Variants in ADAMTS19 observed in about 807,000 individuals in gnomAD.
ADAMTS19 encodes the protein A disintegrin and metalloproteinase with thrombospondin motifs 19.
In ADAMTS19, 93 loss-of-function variants were observed where a neutral mutation model predicts 153.3. The ratio of observed to expected loss-of-function variants is 0.61; its 90% CI spans 0.51 to 0.72. ADAMTS19 has a LOEUF of 0.72. Among genes scored for constraint, ADAMTS19 ranks in the 30% least tolerant of loss-of-function variants. The pLI is 0.00. For synonymous variants in ADAMTS19, 600 were observed against 556.6 expected (o/e 1.08, Z -1.10); for missense variants, 1,482 against 1,552.1 (o/e 0.95, Z 0.76).
intron 12 of ADAMTS19, 138 bp from the exon 13 acceptor site, chr5:129,648,660 A>G (rs1753176061): frequency 1.9e-6 from 1 of 536,650 alleles, no homozygotes; most frequent in Admixed American, 3.8e-5. Context: ...TGCTACTACT[A>G]TCATTTAATG....
intron 7 of ADAMTS19, among the ~76,000 whole-genome samples, chr5:129,560,255 CAG>C (rs991812774): frequency 1.3e-5 from 2 of 152,158 alleles, no homozygotes; most frequent in African/African-American, 4.8e-5. Context: ...AAAACAAAAA[CAG>C]AGTCTAGGTT....
intron 21 of ADAMTS19, among the ~76,000 whole-genome samples, chr5:129,724,736 A>G (rs1438112370): frequency 6.6e-6 from 1 of 152,096 alleles, no homozygotes; most frequent in Non-Finnish European, 1.5e-5. Context: ...GGTTTTATAG[A>G]TGAGGTTGAG....
chr5:129,482,070 A>C (rs1481902008), intron 2 of ADAMTS19, among the ~76,000 whole-genome samples: 1 of 152,214 alleles, frequency 6.6e-6, no homozygotes, highest in East Asian at 1.9e-4. Flanking sequence ...TTCCCAAAAA[A>C]TAGTTTCAGA....
chr5:129,516,760 AT>A (rs58389356), intron 3 of ADAMTS19, among the ~76,000 whole-genome samples: 42,704 of 148,764 alleles, frequency 0.29, 8,360 homozygotes, highest in African/African-American at 0.56. Context: ...TGTTTTATTG[AT>A]TTTTTTTGTA....
chr5:129,730,409 A>G (rs898202576), intron 21 of ADAMTS19, among the ~76,000 whole-genome samples: 2 of 152,188 alleles, frequency 1.3e-5, no homozygotes, highest in Non-Finnish European at 1.5e-5. Flanking sequence ...AAAACTTAGA[A>G]AGTTATGTTA....
intron 13 of ADAMTS19, among the ~76,000 whole-genome samples, chr5:129,651,262 G>T (rs896331952): frequency 6.6e-6 from 1 of 152,092 alleles, no homozygotes; most frequent in Non-Finnish European, 1.5e-5. Flanking sequence ...CAACTCCCTT[G>T]TTGATATATC....
At chr5:129,632,617 A>G (rs1360681245) in intron 10 of ADAMTS19, among the ~76,000 whole-genome samples, 2 of 151,906 alleles carry the variant, frequency 1.3e-5, no homozygotes, top group African/African-American at 4.8e-5. Context: ...TTTCACCTGA[A>G]AATTTTCATT....
chr5:129,599,254 A>G (rs550228143), intron 8 of ADAMTS19, among the ~76,000 whole-genome samples: 4 of 152,300 alleles, frequency 2.6e-5, no homozygotes, highest in East Asian at 3.9e-4. Context: ...AATAAAACCT[A>G]TGAAAAATCA....
At chr5:129,552,083 GTATCAACTA>G (rs1753142666) in intron 7 of ADAMTS19, among the ~76,000 whole-genome samples, 176 bp downstream of exon 7, 1 of 151,828 alleles carries the variant, frequency 6.6e-6, no homozygotes, top group African/African-American at 2.4e-5. Flanking sequence ...TAAAAGACAT[GTATCAACTA>G]TATATATTGG....
intron 7 of ADAMTS19, among the ~76,000 whole-genome samples, chr5:129,564,164 A>T (rs1370243751): frequency 6.6e-6 from 1 of 152,090 alleles, no homozygotes. Context: ...TGTAGCAAAA[A>T]CCTGCATGAG....
intron 16 of ADAMTS19, among the ~76,000 whole-genome samples, chr5:129,673,870 C>A (rs1293332757): frequency 6.6e-6 from 1 of 152,110 alleles, no homozygotes; most frequent in Non-Finnish European, 1.5e-5. Flanking sequence ...ATGTAAATGA[C>A]CTTTAAAAAC....
In ADAMTS19 at chr5:129,524,435, C is replaced by T. The variant is rs10052508; in HGVS notation, c.914-1849C>T. ...ACTAAAACGCCAAAAGCAATTGCAA[C>T]AAAAGCCAAAATTGACAAATGGGAT... On this transcript the variant is annotated intron_variant, in intron 3 of 22. Transcript: ENST00000274487. Among the ~76,000 whole-genome samples the T allele has an allele frequency of 6.6e-3, 1,002 of 152,130 alleles. 10 individuals carry two copies. The highest frequency in any genetic ancestry group is 0.023 in the African/African-American group (973 of 41,496).
At chr5:129,698,488 G>A (rs1208923546) in intron 19 of ADAMTS19, among the ~76,000 whole-genome samples, 1 of 152,100 alleles carries the variant, frequency 6.6e-6, no homozygotes, top group African/African-American at 2.4e-5. Flanking sequence ...TGTAAGTGAA[G>A]GTCTCTTAAA....
At chr5:129,664,988 C>T (rs976601071) in intron 15 of ADAMTS19, among the ~76,000 whole-genome samples, 7 of 152,146 alleles carry the variant, frequency 4.6e-5, no homozygotes, top group African/African-American at 1.7e-4. Flanking sequence ...TCTCCGGCAT[C>T]GGTTTCAAAA....
chr5:129,714,756 C>A (rs1354913523), intron 21 of ADAMTS19, among the ~76,000 whole-genome samples: 1 of 152,170 alleles, frequency 6.6e-6, no homozygotes. Context: ...TGCATACATT[C>A]TTTGACTCAG....
chr5:129,595,101 A>G (rs1179947072), intron 7 of ADAMTS19, among the ~76,000 whole-genome samples: 1 of 152,160 alleles, frequency 6.6e-6, no homozygotes, highest in African/African-American at 2.4e-5. Context: ...TAAAAATAAT[A>G]TGTTCATTCT....
chr5:129,607,020 C>T (rs1581137564), intron 8 of ADAMTS19, among the ~76,000 whole-genome samples: 1 of 152,102 alleles, frequency 6.6e-6, no homozygotes, highest in African/African-American at 2.4e-5. Context: ...TGGGTTCAAG[C>T]GATTCTTCTG....
rs529973725 is a variant in ADAMTS19, at chr5:129,722,963, T to C, written c.3313-11969T>C. Reference sequence around the variant, plus strand: ...TGTCAGAGTTAAGAATTTGTTAAGATTTTTTGCGTGTGTTTTTATTTCCTA... The same window carrying C: ...TGTCAGAGTTAAGAATTTGTTAAGACTTTTTGCGTGTGTTTTTATTTCCTA... On this transcript the variant is annotated intron_variant, in intron 21 of 22. Transcript: ENST00000274487. Among the ~76,000 whole-genome samples, 196 of 152,302 alleles carry C rather than the reference T, an allele frequency of 1.3e-3. 1 individual carries two copies. Among genetic ancestry groups the C allele is most frequent in the African/African-American group, 4.5e-3 (189 of 41,572 alleles).
chr5:129,460,322 C>G lies in ADAMTS19; in HGVS notation c.-70C>G. On this transcript the variant is annotated 5_prime_UTR_variant, in exon 1 of 23. Coordinates refer to ENST00000274487, the MANE Select transcript of ADAMTS19 (RefSeq NM_133638.6). ...CGGCCTCCTAGCGCTCCGGGGAGGC[C>G]GCTGCGCCCCGGAGTGGATCGCGCT... is the stretch of plus-strand genomic sequence containing the variant. The G allele has an allele frequency of 7.6e-7, 1 of 1,322,102 alleles. No homozygotes were observed. The highest frequency in any genetic ancestry group is 1.0e-6 in the Non-Finnish European group (1 of 956,344). 81.9% of individuals were successfully genotyped at this position (1,322,102 alleles called of 1,614,324 possible). A position where few individuals can be genotyped will look rare whatever the true frequency, so the allele number is the denominator to read the frequency against.
Sources: allele counts gnomAD v4.1 joint callset (sites outside exome capture counted in the v4.1 genomes callset), GRCh38; gene constraint gnomAD v4.1.1; transcripts MANE v1.5; gene names NCBI Gene and HGNC (gene_info 2026-07-23, HGNC 2026-07-21).